Variants in CFAP95 observed in about 807,000 individuals in gnomAD.
The protein encoded by CFAP95 is cilia- and flagella-associated protein 95.
At chr9:69,847,216 C>T in the CFAP95 span, among the ~76,000 whole-genome samples, 2 of 152,168 alleles carry the variant, frequency 1.3e-5, no homozygotes, top group South Asian at 4.2e-4. Context: ...AATGAAATTG[C>T]TTTATGATTG....
At chr9:69,869,164 G>T in the CFAP95 span, among the ~76,000 whole-genome samples, 1 of 152,108 alleles carries the variant, frequency 6.6e-6, no homozygotes, top group African/African-American at 2.4e-5. Flanking sequence ...AAATGAAATG[G>T]AACCAGTATC....
At chr9:69,871,172 C>T in the CFAP95 span, among the ~76,000 whole-genome samples, 25 of 151,938 alleles carry the variant, frequency 1.6e-4, no homozygotes, top group Admixed American at 1.2e-3. Flanking sequence ...GAGCTGAGAT[C>T]GCCACACTGC....
chr9:69,826,391 C>T, the CFAP95 span, among the ~76,000 whole-genome samples: 5 of 152,202 alleles, frequency 3.3e-5, no homozygotes, highest in East Asian at 9.7e-4. Context: ...ATTTAGAGTT[C>T]CTCCTGTCAC....
At chr9:69,901,262 C>G in the CFAP95 span, among the ~76,000 whole-genome samples, 2 of 151,902 alleles carry the variant, frequency 1.3e-5, no homozygotes, top group African/African-American at 4.8e-5. Flanking sequence ...CTCAGCCTCC[C>G]GAGTAGCTGG....
At chr9:69,901,388 C>T in the CFAP95 span, among the ~76,000 whole-genome samples, 4 of 152,216 alleles carry the variant, frequency 2.6e-5, no homozygotes, top group Admixed American at 1.3e-4. Context: ...CCACCTGCCT[C>T]GGCCTCCCAA....
At chr9:69,868,137 T>A in the CFAP95 span, among the ~76,000 whole-genome samples, 1 of 152,144 alleles carries the variant, frequency 6.6e-6, no homozygotes, top group African/African-American at 2.4e-5. Flanking sequence ...TTGTGGGGAC[T>A]GATGAGCTAA....
At chr9:69,866,056 A>G in the CFAP95 span, among the ~76,000 whole-genome samples, 1 of 152,206 alleles carries the variant, frequency 6.6e-6, no homozygotes, top group South Asian at 2.1e-4. Flanking sequence ...ACCAAAGCTC[A>G]TAGCCACTCC....
At chr9:69,885,127 C>T in the CFAP95 span, 1 of 152,136 alleles carries the variant, frequency 6.6e-6, no homozygotes, top group Non-Finnish European at 1.5e-5. Context: ...ACCCAGGTAT[C>T]CAACAGCCCG....
the CFAP95 span, among the ~76,000 whole-genome samples, chr9:69,861,430 T>C: frequency 6.6e-6 from 1 of 152,166 alleles, no homozygotes; most frequent in Non-Finnish European, 1.5e-5. Flanking sequence ...GGGACATCAG[T>C]ATGAATACTG....
chr9:69,830,535 A>G, the CFAP95 span, among the ~76,000 whole-genome samples: 1 of 152,246 alleles, frequency 6.6e-6, no homozygotes, highest in Non-Finnish European at 1.5e-5. Context: ...ACTCAATGCA[A>G]TTTTAAAAAA....
At chr9:69,871,873 A>G in the CFAP95 span, among the ~76,000 whole-genome samples, 1 of 152,146 alleles carries the variant, frequency 6.6e-6, no homozygotes, top group Non-Finnish European at 1.5e-5. Flanking sequence ...TGAATAATTT[A>G]TTTAAAACAC....
chr9:69,898,206 T>C, the CFAP95 span, among the ~76,000 whole-genome samples: 2 of 152,164 alleles, frequency 1.3e-5, no homozygotes, highest in African/African-American at 2.4e-5. Flanking sequence ...CTTTGGAGCT[T>C]AGCAATTGTT....
the CFAP95 span, among the ~76,000 whole-genome samples, chr9:69,899,394 CAT>C: frequency 6.6e-6 from 1 of 152,222 alleles, no homozygotes; most frequent in Non-Finnish European, 1.5e-5. Flanking sequence ...AGTGGGAAAA[CAT>C]AAGTTCTTCA....
chr9:69,886,708 G>C, the CFAP95 span: 1 of 640,816 alleles, frequency 1.6e-6, no homozygotes, highest in East Asian at 2.8e-5. Context: ...ACAGTTGTGG[G>C]GTTTTAAATT....
At chr9:69,855,329 T>C in the CFAP95 span, among the ~76,000 whole-genome samples, 1 of 152,242 alleles carries the variant, frequency 6.6e-6, no homozygotes, top group Non-Finnish European at 1.5e-5. Context: ...TCAGAGCATA[T>C]CTAAGCTTAA....
At chr9:69,860,049 T>G in the CFAP95 span, among the ~76,000 whole-genome samples, 4 of 152,336 alleles carry the variant, frequency 2.6e-5, no homozygotes, top group East Asian at 7.7e-4. Flanking sequence ...TCTATGAATG[T>G]GAAGGCCTAG....
At chr9:69,849,110 A>G in the CFAP95 span, among the ~76,000 whole-genome samples, 1 of 152,144 alleles carries the variant, frequency 6.6e-6, no homozygotes, top group Non-Finnish European at 1.5e-5. Flanking sequence ...AGTTTTCTTC[A>G]TGACACTTAC....
the CFAP95 span, among the ~76,000 whole-genome samples, chr9:69,832,010 C>T: frequency 4.0e-3 from 604 of 152,186 alleles, 6 homozygotes; most frequent in African/African-American, 0.014. Flanking sequence ...ATGTATCTAG[C>T]GTCAACACAT....
the CFAP95 span, among the ~76,000 whole-genome samples, chr9:69,859,730 G>C: frequency 0.011 from 1,722 of 152,250 alleles, 38 homozygotes; most frequent in African/African-American, 0.039. Flanking sequence ...GTGATTTCAT[G>C]GTTGTGTGAA....
Sources: gnomAD v4.1 joint callset for allele counts (sites outside exome capture counted in the v4.1 genomes callset) on GRCh38, gnomAD v4.1.1 for gene constraint, MANE v1.5 for transcripts, NCBI Gene and HGNC (gene_info 2026-07-23, HGNC 2026-07-21) for gene names.